The following DUS3L variants were observed in gnomAD, a reference collection of about 807,000 sequenced individuals.
The protein encoded by DUS3L is dihydrouridine synthase 3 like.
Under a neutral mutation model 74.6 loss-of-function variants are expected in DUS3L, and 62 were observed. The observed-to-expected ratio is 0.83, with a 90% CI of 0.68 to 1.03. DUS3L has a LOEUF of 1.03. DUS3L is among the 50% of genes least tolerant of loss of function. The probability of loss-of-function intolerance (pLI) is 0.00; values close to 1 mark genes in which losing one functional copy is unlikely to be tolerated. For missense variants in DUS3L, 884 were observed against 924.4 expected, an observed-to-expected ratio of 0.96 and a Z score of 0.57; for synonymous variants, 433 against 395.7, an observed-to-expected ratio of 1.09 and a Z score of -1.12.
In DUS3L at chr19:5,791,028, T is replaced by C; in HGVS notation, c.98+16A>G. ...GGAAAAGGCCCTTCAGCTTCCCTCC[T>C]GCCCCGGCGACTCACTGACGCTTAA... On this transcript the variant is annotated intron_variant, in intron 1 of 12. Coordinates refer to ENST00000309061, the MANE Select transcript of DUS3L (RefSeq NM_020175.3). The C allele has an allele frequency of 1.3e-6, 2 of 1,585,050 alleles. No homozygotes were observed. The highest frequency in any genetic ancestry group is 1.7e-6 in the Non-Finnish European group (2 of 1,165,700).
At chr19:5,786,271 A>T (rs572701386) in intron 10 of DUS3L, among the ~76,000 whole-genome samples, 196 bp downstream of exon 10, 2 of 152,210 alleles carry the variant, frequency 1.3e-5, no homozygotes, top group African/African-American at 4.8e-5. Flanking sequence ...TTCAACCCAC[A>T]ATCATCAGAT....
chr19:5,790,480 G>A, intron 1 of DUS3L, 145 bp from the exon 2 acceptor site: 1 of 937,360 alleles, frequency 1.1e-6, no homozygotes, highest in Non-Finnish European at 1.6e-6. Flanking sequence ...CAGCCTGGGA[G>A]CCCCTCACGG....
At chr19:5,786,924 G>C (rs2056848881) in intron 8 of DUS3L, 79 bp from the exon 9 acceptor site, 1 of 1,503,286 alleles carries the variant, frequency 6.7e-7, no homozygotes, top group South Asian at 1.3e-5. Context: ...GCCAGGCTGA[G>C]AGAGACAGAG....
intron 10 of DUS3L, 78 bp from the exon 11 acceptor site, chr19:5,785,869 C>T (rs1373782170): frequency 4.4e-5 from 64 of 1,442,684 alleles, no homozygotes; most frequent in Non-Finnish European, 5.4e-5. Flanking sequence ...CATGGCCTGG[C>T]CTGAGCCGGA....
Position 5,790,147 on chromosome 19 carries a change from T to G in DUS3L, c.287A>C (p.Gln96Pro). Reference protein sequence around the residue: ...QTEEAAEPGEQLQTQKRARGQ... With the variant: ...QTEEAAEPGEPLQTQKRARGQ... ...CCGGGCCCTCTTCTGAGTCTGTAGCTGCTCCCCGGGCTCTGCTGCCTCCTC... is the reference window on the plus strand; with the variant it reads ...CCGGGCCCTCTTCTGAGTCTGTAGCGGCTCCCCGGGCTCTGCTGCCTCCTC... Residue 96 changes from glutamine to proline, a missense_variant, in exon 2 of 13, where the codon CAG (glutamine) becomes CCG (proline). By Grantham distance (76) the Gln-to-Pro change is moderately conservative. Transcript: ENST00000309061. 3 of 1,614,142 alleles carry G rather than the reference T, an allele frequency of 1.9e-6. No homozygotes were observed. The highest frequency in any genetic ancestry group is 2.2e-5 in the South Asian group (2 of 91,084).
At chr19:5,788,546 C>T (rs1346481282) in intron 3 of DUS3L, 148 bp from the exon 4 acceptor site, 3 of 823,774 alleles carry the variant, frequency 3.6e-6, no homozygotes, top group Non-Finnish European at 5.8e-6. Context: ...CCAATCAATC[C>T]CTTCATCAGG....
intron 3 of DUS3L, 175 bp downstream of exon 3, chr19:5,789,032 T>TGGGA: frequency 1.3e-6 from 1 of 756,562 alleles, no homozygotes; most frequent in Non-Finnish European, 1.7e-6. Context: ...TGTCCCCACC[T>TGGGA]CCTGAGGGCT....
chr19:5,786,857 G>C lies in DUS3L; in HGVS notation c.1390-12C>G. The C allele has an allele frequency of 6.3e-7, 1 of 1,596,766 alleles. No homozygotes were observed. On this transcript the variant is annotated splice_polypyrimidine_tract_variant and intron_variant, in intron 8 of 12. Transcript: ENST00000309061. ...GAGCGGCCGTGGAGCTGGGGGAGAA[G>C]CCGCCACGCAGGGTAGGAGGCAGAG...
In DUS3L at chr19:5,791,137, G is replaced by A. The variant is rs1320774945; in HGVS notation, c.5C>T (p.Ala2Val). The change falls in exon 1 of 13, where the codon GCG becomes GTG. Residue 2 changes from alanine to valine, a missense_variant. Coordinates refer to ENST00000309061, the MANE Select transcript of DUS3L (RefSeq NM_020175.3). ...TAGAGGAGCCTCCGCCGTTCCCTCC[G>A]CCATCGGCGCCCCTCACATCCGCTC... The part of the protein sequence containing the change: M[A>V]EGTAEAPLEN... The A allele has an allele frequency of 1.9e-6, 3 of 1,603,840 alleles. No individual in the cohort carries two copies. Among genetic ancestry groups the A allele is most frequent in the Non-Finnish European group, 1.7e-6 (2 of 1,175,636 alleles).
chr19:5,785,525 G>C lies in DUS3L; in HGVS notation c.1752-14C>G. Reference sequence around the variant, plus strand: ...ACGGGCACGTACCTGCGGCGGGTGGGCGGGCAGGACAGGCTTGAGTCAGCT... The same window carrying C: ...ACGGGCACGTACCTGCGGCGGGTGGCCGGGCAGGACAGGCTTGAGTCAGCT... On this transcript the variant is annotated splice_polypyrimidine_tract_variant and intron_variant, in intron 11 of 12. Transcript: ENST00000309061. 1 of 1,531,346 alleles carries C rather than the reference G, an allele frequency of 6.5e-7. No homozygotes were observed. Among genetic ancestry groups the C allele is most frequent in the Non-Finnish European group, 8.8e-7 (1 of 1,141,332 alleles). 94.9% of individuals were successfully genotyped at this position (1,531,346 alleles called of 1,614,324 possible).
chr19:5,787,475 A>G, intron 6 of DUS3L, 114 bp from the exon 7 acceptor site: 4 of 1,501,850 alleles, frequency 2.7e-6, no homozygotes, highest in Non-Finnish European at 3.7e-6. Flanking sequence ...AAAGGCAGGG[A>G]CTCCAGGGCC....
At chr19:5,789,914 A>C in intron 2 of DUS3L, 133 bp downstream of exon 2, 2 of 1,351,794 alleles carry the variant, frequency 1.5e-6, no homozygotes, top group East Asian at 5.0e-5. Flanking sequence ...AGGAGAATGA[A>C]GACGGAATGG....
At chr19:5,787,486 A>G (rs1476669125) in intron 6 of DUS3L, 103 bp downstream of exon 6, 1 of 1,516,162 alleles carries the variant, frequency 6.6e-7, no homozygotes, top group Non-Finnish European at 9.1e-7. Context: ...CTCCAGGGCC[A>G]CACTTGAGCC....
intron 10 of DUS3L, 106 bp downstream of exon 10, chr19:5,786,361 T>C: frequency 2.7e-6 from 3 of 1,126,850 alleles, no homozygotes; most frequent in Non-Finnish European, 3.8e-6. Context: ...TCCTCCCATC[T>C]TGGGACCAAC....
rs1238315595 is a variant in DUS3L, at chr19:5,787,589, C to G, written c.1212G>C (p.Lys404Asn). ...VGCPIDLVYK[K>N]GGGCALMNRS... ...CGAGGCACACGTCCAGGGCCGCTACCTTCTTGTACACGAGGTCGATGGGGC... is the reference window on the plus strand; with the variant it reads ...CGAGGCACACGTCCAGGGCCGCTACGTTCTTGTACACGAGGTCGATGGGGC... The change falls in exon 6 of 13, where the codon AAG becomes AAC. Residue 404 changes from lysine to asparagine, a missense_variant and splice_region_variant. Transcript: ENST00000309061. 6 of 1,613,270 alleles carry G rather than the reference C, an allele frequency of 3.7e-6. No individual in the cohort carries two copies. Among genetic ancestry groups the G allele is most frequent in the Non-Finnish European group, 5.1e-6 (6 of 1,179,894 alleles).
Position 5,789,575 on chromosome 19 carries a change from G to A in DUS3L, c.532C>T (p.Arg178Cys), listed in dbSNP as rs2056889398. 3 of 1,589,118 alleles carry A rather than the reference G, an allele frequency of 1.9e-6. No homozygotes were observed. The highest frequency in any genetic ancestry group is 2.6e-6 in the Non-Finnish European group (3 of 1,170,584). ...GGCCTCAGGTGGGCCCCAGCGAAGC[G>A]GCAGGTCACGCCGTAGGGGCACCGG... is the stretch of plus-strand genomic sequence containing the variant. ...FGRCPYGVTC[R>C]FAGAHLRPEG... The change falls in exon 3 of 13, where the codon CGC (arginine) becomes TGC (cysteine). Residue 178 changes from arginine to cysteine, a missense_variant. Physicochemically the swap from Arg to Cys is radical, Grantham distance 180 (BLOSUM62 -3). Transcript: ENST00000309061.
rs201737399 is a variant in DUS3L at position 5,787,396 on chromosome 19, C to T, written c.1213-35G>A. The T allele has an allele frequency of 3.7e-5, 59 of 1,607,146 alleles. 2 individuals are homozygous for T. The African/African-American group carries it at 5.2e-4, about 14-fold the overall frequency. On this transcript the variant is annotated intron_variant, in intron 6 of 12. Transcript: ENST00000309061. ...ACAGGCGGGTGGAGGGAGGGCAGGA[C>T]GTGGGCTGACCCAAGACCCCTCACC...
At chr19:5,786,428 G>A (rs2056842691) in intron 10 of DUS3L, 39 bp downstream of exon 10, 3 of 1,601,124 alleles carry the variant, frequency 1.9e-6, no homozygotes, top group South Asian at 1.1e-5. Flanking sequence ...CACTGCTGCT[G>A]TGCATGAAGC....
chr19:5,785,213 G>C lies in DUS3L; in HGVS notation c.1943C>G (p.Ala648Gly), dbSNP rs762607568. 2.9e-5 allele frequency: 47 copies of C among 1,607,748 alleles called. No homozygotes were observed. Among genetic ancestry groups the C allele is most frequent in the Middle Eastern group, 3.3e-4 (2 of 6,070 alleles). ...FAFLPKHKAN[A>G]YK ...TGGGAAAGCCTGAGGCTACTTGTACGCGTTGGCCTTGTGCTTCGGCAAGAA... is the reference window on the plus strand; with the variant it reads ...TGGGAAAGCCTGAGGCTACTTGTACCCGTTGGCCTTGTGCTTCGGCAAGAA... Residue 648 changes from alanine to glycine, a missense_variant, in exon 13 of 13, where the codon GCG (alanine) becomes GGG (glycine). Coordinates refer to ENST00000309061, the MANE Select transcript of DUS3L (RefSeq NM_020175.3).
Sources: gnomAD v4.1 joint callset for allele counts (sites outside exome capture counted in the v4.1 genomes callset) on GRCh38, gnomAD v4.1.1 for gene constraint, MANE v1.5 for transcripts, NCBI Gene and HGNC (gene_info 2026-07-23, HGNC 2026-07-21) for gene names.